TRMT6: variants seen among roughly 807,000 people sequenced by gnomAD.
The protein encoded by TRMT6 is tRNA methyltransferase 6 non-catalytic subunit, also known as tRNA (adenine(58)-N(1))-methyltransferase non-catalytic subunit TRM6.
Under a neutral mutation model 59.0 loss-of-function variants are expected in TRMT6, and 34 were observed. The ratio of observed to expected loss-of-function variants is 0.58; its 90% CI spans 0.44 to 0.77. The LOEUF is 0.77. Among genes scored for constraint, TRMT6 ranks in the 30% least tolerant of loss-of-function variants. TRMT6 has a pLI of 0.00. For missense variants in TRMT6, 575 were observed against 604.5 expected (o/e 0.95, Z 0.51); for synonymous variants, 217 against 210.5 (o/e 1.03, Z -0.27).
chr20:5,948,614 C>G (rs1057504047), intron 1 of TRMT6, among the ~76,000 whole-genome samples: 7 of 151,226 alleles, frequency 4.6e-5, no homozygotes, highest in African/African-American at 1.7e-4. Flanking sequence ...CTGAGGTGGC[C>G]GGAATTACTT....
At position 5,942,767 on chromosome 20, in the gene TRMT6, C is replaced by G. The variant is rs1176452467; in HGVS notation, c.687G>C (p.Gln229His). 4 of 1,613,016 alleles carry G rather than the reference C, an allele frequency of 2.5e-6. No individual in the cohort carries two copies. Among genetic ancestry groups the G allele is most frequent in the Middle Eastern group, 1.6e-4 (1 of 6,078 alleles). Reference protein sequence around the residue: ...ERMGGFGSIIQLYPGGGPVRA... With the variant: ...ERMGGFGSIIHLYPGGGPVRA... ...GAACAGGTCCTCCTCCAGGGTATAGCTGAATAATGGAGCCAAAACCTGAAC... is the reference window on the plus strand; with the variant it reads ...GAACAGGTCCTCCTCCAGGGTATAGGTGAATAATGGAGCCAAAACCTGAAC... Residue 229 changes from glutamine to histidine, a missense_variant, in exon 7 of 11, where the codon CAG (glutamine) becomes CAC (histidine). Transcript: ENST00000203001.
rs1057278024 is a variant in TRMT6, at chr20:5,942,524, T to C, written c.930A>G (p.Pro310=). Reference sequence around the variant, plus strand: ...CCTGGTCTTCTGGGTGGTTGCTCTCTGGGGCCTCTGCCATGCTGTCTTCAT... The same window carrying C: ...CCTGGTCTTCTGGGTGGTTGCTCTCCGGGGCCTCTGCCATGCTGTCTTCAT... ...QENEDSMAEA[P]ESNHPEDQET... The change falls in exon 7 of 11, where the codon CCA becomes CCG. Residue 310 remains proline (P), a synonymous_variant. Transcript: ENST00000203001. 1.2e-6 allele frequency: 2 copies of C among 1,614,160 alleles called. No homozygotes were observed. Among genetic ancestry groups the C allele is most frequent in the Non-Finnish European group, 1.7e-6 (2 of 1,180,014 alleles).
intron 10 of TRMT6, 76 bp from the exon 11 acceptor site, chr20:5,938,802 C>T (rs1289254777): frequency 7.4e-7 from 1 of 1,342,508 alleles, no homozygotes; most frequent in Non-Finnish European, 1.0e-6. Flanking sequence ...TACCAAAAAT[C>T]AGAATTTAAA....
rs1484378795 is a variant in TRMT6, at chr20:5,942,051, A to G, written c.1027-15T>C. On this transcript the variant is annotated splice_polypyrimidine_tract_variant and intron_variant, in intron 7 of 10. Coordinates refer to ENST00000203001, the MANE Select transcript of TRMT6 (RefSeq NM_015939.5). ...TTTTCCTGAATCTTCAAAAAGAAAAATAAGAAATCAATGTACTGGGGTCTT... is the reference window on the plus strand; with the variant it reads ...TTTTCCTGAATCTTCAAAAAGAAAAGTAAGAAATCAATGTACTGGGGTCTT... 2.5e-6 allele frequency: 4 copies of G among 1,606,230 alleles called. No individual in the cohort carries two copies. The highest frequency in any genetic ancestry group is 1.7e-5 in the Admixed American group (1 of 59,998).
rs1875768 is a variant in TRMT6, at chr20:5,944,662, T to C, written c.366+143A>G. Reference sequence around the variant, plus strand: ...GACATAAAATCTTTGAAATGTTGAGTAACATGTACATTTCAACCTATTTCT... The same window carrying C: ...GACATAAAATCTTTGAAATGTTGAGCAACATGTACATTTCAACCTATTTCT... On this transcript the variant is annotated intron_variant, in intron 3 of 10. Transcript: ENST00000203001. The C allele has an allele frequency of 5.8e-3, 3,539 of 612,330 alleles. 55 individuals are homozygous for C. Among genetic ancestry groups the C allele is most frequent in the African/African-American group, 0.039 (2,132 of 54,110 alleles). The allele number at this position is 612,330 out of a possible 1,614,324, so 37.9% of individuals were successfully genotyped here.
At position 5,946,499 on chromosome 20, in the gene TRMT6, C is replaced by T; in HGVS notation, c.163G>A (p.Asp55Asn). The T allele has an allele frequency of 6.2e-7, 1 of 1,614,036 alleles. No homozygotes were observed. Among genetic ancestry groups the T allele is most frequent in the Non-Finnish European group, 8.5e-7 (1 of 1,179,990 alleles). ...CCATAACTATGGCCAATGACGTTAT[C>T]CAGGTAGAACCACTGTTTTTCGAAA... ...VTFEKQWFYL[D>N]NVIGHSYGTA... Residue 55 changes from aspartate (D) to asparagine (N), a missense_variant, in exon 2 of 11, where the codon GAT (aspartate) becomes AAT (asparagine). Transcript: ENST00000203001.
At chr20:5,948,513 A>G (rs964722921) in intron 1 of TRMT6, among the ~76,000 whole-genome samples, 1 of 152,132 alleles carries the variant, frequency 6.6e-6, no homozygotes, top group Non-Finnish European at 1.5e-5. Context: ...TTCCAAATAA[A>G]TGTTTAGGGC....
chr20:5,943,810 A>C, intron 5 of TRMT6, 127 bp from the exon 6 acceptor site: 1 of 1,521,906 alleles, frequency 6.6e-7, no homozygotes, highest in Admixed American at 2.2e-5. Context: ...TTTGGAGGTG[A>C]CAGTAAAAGG....
chr20:5,944,214 G>A lies in TRMT6; in HGVS notation c.406C>T (p.Arg136Ter), dbSNP rs375649671. Residue 136 changes from arginine (R) to a stop codon, truncating the protein, a stop_gained, in exon 4 of 11, where the codon CGA becomes TGA. Transcript: ENST00000203001. LOFTEE classifies it high-confidence loss of function. ...TCTTGGGCAAATTCTGTCTTGTCTC[G>A]GAATGTTGTACTATTTTCAATTAAC... is the stretch of plus-strand genomic sequence containing the variant. ...QQLIENSTTF[R>*]DKTEFAQDKY... is the part of the protein sequence containing the mutation. 4 of 1,564,154 alleles carry A rather than the reference G, an allele frequency of 2.6e-6. No homozygotes were observed. The highest frequency in any genetic ancestry group is 1.4e-5 in the African/African-American group (1 of 72,834).
Position 5,942,031 on chromosome 20 carries a change from C to T in TRMT6, c.1032G>A (p.Gln344=). Residue 344 remains glutamine, a synonymous_variant, in exon 8 of 11, where the codon CAG becomes CAA. Transcript: ENST00000203001. The part of the protein sequence containing the change: ...KERGSKKDYI[Q]EKQRRQEEQR... ...GCTCTTCTTGTCTCCTCTGTTTTTCCTGAATCTTCAAAAAGAAAAATAAGA... is the reference window on the plus strand; with the variant it reads ...GCTCTTCTTGTCTCCTCTGTTTTTCTTGAATCTTCAAAAAGAAAAATAAGA... The T allele has an allele frequency of 1.2e-6, 2 of 1,612,126 alleles. No individual in the cohort carries two copies. Among genetic ancestry groups the T allele is most frequent in the South Asian group, 2.2e-5 (2 of 91,074 alleles).
chr20:5,946,152 G>A (rs565430797), intron 2 of TRMT6, among the ~76,000 whole-genome samples: 1 of 152,308 alleles, frequency 6.6e-6, no homozygotes, highest in South Asian at 2.1e-4. Flanking sequence ...TTGCAATGAC[G>A]CAGCAACGAC....
Position 5,937,747 on chromosome 20 carries a change from T to A in TRMT6, c.*788A>T, listed in dbSNP as rs2088619875. On this transcript the variant is annotated 3_prime_UTR_variant, in exon 11 of 11. Transcript: ENST00000203001. ...TTGCATGTGTATGTATATATCTGTG[T>A]ATATATAAATATATGTGTGTATATA... 2.6e-5 allele frequency: 4 copies of A among 152,382 alleles called. No individual in the cohort carries two copies. The highest frequency in any genetic ancestry group is 2.6e-4 in the Admixed American group (4 of 15,310). 9.4% of individuals were successfully genotyped at this position (152,382 alleles called of 1,614,324 possible).
intron 7 of TRMT6, 73 bp from the exon 8 acceptor site, chr20:5,942,109 C>G: frequency 7.9e-7 from 1 of 1,267,176 alleles, no homozygotes; most frequent in Non-Finnish European, 1.1e-6. Context: ...TCTGGCCTGT[C>G]AAAACATTTC....
intron 1 of TRMT6, among the ~76,000 whole-genome samples, chr20:5,949,892 A>T (rs576110269): frequency 5.3e-5 from 8 of 151,638 alleles, no homozygotes; most frequent in African/African-American, 1.9e-4. Context: ...TGAAGATCCC[A>T]AGGTCCTAGG....
chr20:5,941,365 C>T lies in TRMT6; in HGVS notation c.1113-20G>A. On this transcript the variant is annotated intron_variant, in intron 8 of 10. Coordinates refer to ENST00000203001, the MANE Select transcript of TRMT6 (RefSeq NM_015939.5). ...ATTAAACTGTAAGGAAAATGCCAGA[C>T]AAATTATTTCTCTACACCCTCAAAG... The T allele has an allele frequency of 1.9e-6, 3 of 1,570,066 alleles. No homozygotes were observed. The highest frequency in any genetic ancestry group is 1.1e-5 in the South Asian group (1 of 89,964).
chr20:5,944,883 A>G lies in TRMT6; in HGVS notation c.288T>C (p.Asn96=). 1 of 1,614,018 alleles carries G rather than the reference A, an allele frequency of 6.2e-7. No individual in the cohort carries two copies. ...TCTGAGATTTCCCATCATCAACTAT[A>G]TTTCGATTATCAGTGCCCGCTTCTT... is the stretch of plus-strand genomic sequence containing the variant. The part of the protein sequence containing the change: ...ETKEAGTDNR[N]IVDDGKSQKL... The change falls in exon 3 of 11, where the codon AAT becomes AAC. Residue 96 remains asparagine (N), a synonymous_variant. Coordinates refer to ENST00000203001, the MANE Select transcript of TRMT6 (RefSeq NM_015939.5).
rs913103922 is a variant in TRMT6 at position 5,942,297 on chromosome 20, A to T, written c.1026+131T>A. ...CACACGTTTGTATACATGTACACAC[A>T]CTCGTTCTCTGTTTTGATAGTTATC... On this transcript the variant is annotated intron_variant, in intron 7 of 10. Transcript: ENST00000203001. 40 of 878,920 alleles carry T rather than the reference A, an allele frequency of 4.6e-5. No individual in the cohort carries two copies. In the African/African-American group the frequency reaches 6.0e-4, roughly 13 times the overall value. The allele number at this position is 878,920 out of a possible 1,614,324, so 54.4% of individuals were successfully genotyped here. A position where few individuals can be genotyped will look rare whatever the true frequency, so the allele number is the denominator to read the frequency against.
Position 5,942,670 on chromosome 20 carries a change from C to CT in TRMT6, c.783dup (p.Val262SerfsTer25). Reference sequence around the variant, plus strand: ...AATGTTCCATGTAGAAGACTGTCCACTTTGTTGAGAGGGAATTCATAAAGA... The same window carrying CT: ...AATGTTCCATGTAGAAGACTGTCCACTTTTGTTGAGAGGGAATTCATAAAGA... On this transcript the variant is annotated frameshift_variant, in exon 7 of 11. Coordinates refer to ENST00000203001, the MANE Select transcript of TRMT6 (RefSeq NM_015939.5). LOFTEE classifies it high-confidence loss of function. 1 of 1,614,056 alleles carries CT rather than the reference C, an allele frequency of 6.2e-7. No homozygotes were observed. The highest frequency in any genetic ancestry group is 8.5e-7 in the Non-Finnish European group (1 of 1,180,006).
In TRMT6 at chr20:5,938,684, C is replaced by G; in HGVS notation, c.1345G>C (p.Gly449Arg). ...RSHPKLLMSG[G>R]GGYLLSGFTV... ...AAGCCGGAGAGAAGATAACCCCCAC[C>G]TCCACTCATCAGCAGTTTAGGATGA... The change falls in exon 11 of 11, where the codon GGT becomes CGT. Residue 449 changes from glycine (G) to arginine (R), a missense_variant. Physicochemically the swap from Gly to Arg is moderately radical, Grantham distance 125 (BLOSUM62 -2). Transcript: ENST00000203001. The G allele has an allele frequency of 6.2e-7, 1 of 1,614,208 alleles. No homozygotes were observed. The highest frequency in any genetic ancestry group is 8.5e-7 in the Non-Finnish European group (1 of 1,180,050).
Sources: allele counts gnomAD v4.1 joint callset (sites outside exome capture counted in the v4.1 genomes callset), GRCh38; gene constraint gnomAD v4.1.1; transcripts MANE v1.5; gene names NCBI Gene and HGNC (gene_info 2026-07-23, HGNC 2026-07-21).